Variants in NDUFS4 observed in about 807,000 individuals in gnomAD.
The protein encoded by NDUFS4 is NADH:ubiquinone oxidoreductase subunit S4.
In NDUFS4, 28 loss-of-function variants were observed where a neutral mutation model predicts 24.3. That is an observed-to-expected ratio of 1.15 (90% CI 0.85 to 1.58). The LOEUF (loss-of-function observed/expected upper bound fraction) is 1.58. Ranked by LOEUF, NDUFS4 falls within the 40% of genes most tolerant of loss-of-function variation. The pLI is 0.00. For synonymous variants in NDUFS4, 93 were observed against 69.7 expected, an observed-to-expected ratio of 1.34 and a Z score of -1.67; for missense variants, 223 against 207.9, an observed-to-expected ratio of 1.07 and a Z score of -0.45.
Position 53,574,111 on chromosome 5 carries a change from A to G in NDUFS4, c.98+13351A>G, listed in dbSNP as rs371649726. 2.6e-4 allele frequency among the ~76,000 whole-genome samples: 39 copies of G among 152,184 alleles called. No homozygotes were observed. In the South Asian group the frequency reaches 7.9e-3, roughly 31 times the overall value. The stretch of plus-strand genomic sequence containing the variant: ...TCACTAGGTCTTTTATTTCTTTTTC[A>G]TTTCCAGGAGGATGTTAAGAATGGT... On this transcript the variant is annotated intron_variant, in intron 1 of 4. Transcript: ENST00000296684.
chr5:53,627,274 G>A (rs996417602), intron 2 of NDUFS4, among the ~76,000 whole-genome samples: 6 of 152,072 alleles, frequency 3.9e-5, no homozygotes, highest in South Asian at 4.1e-4. Flanking sequence ...TGTTGTTTTG[G>A]TTACTGTACC....
intron 2 of NDUFS4, among the ~76,000 whole-genome samples, chr5:53,645,218 T>C (rs1234302809): frequency 6.6e-6 from 1 of 152,164 alleles, no homozygotes; most frequent in Admixed American, 6.6e-5. Context: ...AGCATATGGT[T>C]GACCCCAATG....
At chr5:53,584,870 T>C (rs1207236941) in intron 1 of NDUFS4, among the ~76,000 whole-genome samples, 1 of 152,016 alleles carries the variant, frequency 6.6e-6, no homozygotes. Flanking sequence ...TGGGTTCAAG[T>C]GATTCCTGTG....
At chr5:53,601,245 C>T (rs879666448) in intron 1 of NDUFS4, among the ~76,000 whole-genome samples, 2 of 151,984 alleles carry the variant, frequency 1.3e-5, no homozygotes, top group African/African-American at 4.8e-5. Context: ...CCTTGTGATC[C>T]GCCCGCCTCA....
intron 4 of NDUFS4, among the ~76,000 whole-genome samples, chr5:53,673,525 A>G (rs527778567): frequency 6.6e-6 from 1 of 152,306 alleles, no homozygotes; most frequent in Non-Finnish European, 1.5e-5. Context: ...TCACAGTAAA[A>G]CTTAAATATA....
intron 1 of NDUFS4, among the ~76,000 whole-genome samples, chr5:53,601,918 T>C (rs964121661): frequency 2.0e-5 from 3 of 152,212 alleles, no homozygotes; most frequent in Non-Finnish European, 2.9e-5. Flanking sequence ...TTATTAGTTA[T>C]TGTTAATTTA....
rs140786032 is a variant in NDUFS4 at position 53,645,061 on chromosome 5, G to A, written c.178-1172G>A. On this transcript the variant is annotated intron_variant, in intron 2 of 4. Coordinates refer to ENST00000296684, the MANE Select transcript of NDUFS4 (RefSeq NM_002495.4). The stretch of plus-strand genomic sequence containing the variant: ...AATAAACATTAGTCTTCATTAGGGT[G>A]TGTATTATAATGACATAAAAATTCA... Among the ~76,000 whole-genome samples, 381 of 152,194 alleles carry A rather than the reference G, an allele frequency of 2.5e-3. 1 individual carries two copies. Among genetic ancestry groups the A allele is most frequent in the African/African-American group, 8.0e-3 (334 of 41,564 alleles).
intron 2 of NDUFS4, among the ~76,000 whole-genome samples, chr5:53,616,269 CACA>C (rs1385394997): frequency 1.3e-5 from 2 of 151,460 alleles, no homozygotes; most frequent in South Asian, 2.1e-4. Flanking sequence ...ATGAACAAAG[CACA>C]ACAACCATGT....
intron 3 of NDUFS4, among the ~76,000 whole-genome samples, chr5:53,655,645 T>C (rs966867116): frequency 6.6e-6 from 1 of 152,176 alleles, no homozygotes; most frequent in Non-Finnish European, 1.5e-5. Flanking sequence ...ATAACAATAA[T>C]CTATTAATTA....
intron 1 of NDUFS4, among the ~76,000 whole-genome samples, chr5:53,577,674 A>G (rs1241183900): frequency 1.3e-5 from 2 of 152,092 alleles, no homozygotes; most frequent in African/African-American, 2.4e-5. Context: ...CCGTATTGGA[A>G]TTTGTTTTAC....
intron 4 of NDUFS4, among the ~76,000 whole-genome samples, chr5:53,675,379 T>G (rs256100): frequency 0.8 from 121,378 of 151,812 alleles, 48,737 homozygotes; most frequent in African/African-American, 0.87. Context: ...AGCCAGGATG[T>G]TCTCGATTTC....
intron 3 of NDUFS4, 58 bp downstream of exon 3, chr5:53,646,463 C>T (rs1369470161): frequency 1.3e-6 from 2 of 1,558,206 alleles, no homozygotes; most frequent in Non-Finnish European, 1.8e-6. Flanking sequence ...GTAGATCTTT[C>T]TTCTAAATAT....
intron 2 of NDUFS4, among the ~76,000 whole-genome samples, chr5:53,630,069 G>A (rs967435999): frequency 6.6e-6 from 1 of 152,112 alleles, no homozygotes; most frequent in Admixed American, 6.5e-5. Flanking sequence ...GTTAAGGCAG[G>A]CCTGATGGTG....
At chr5:53,606,477 AT>A (rs1561358565) in intron 2 of NDUFS4, among the ~76,000 whole-genome samples, 3 of 151,690 alleles carry the variant, frequency 2.0e-5, no homozygotes, top group African/African-American at 7.3e-5. Context: ...AGTGATTCTT[AT>A]GCCTCAGCCT....
At chr5:53,658,797 A>AAC (rs1483304804) in intron 4 of NDUFS4, 173 bp downstream of exon 4, 2 of 593,000 alleles carry the variant, frequency 3.4e-6, no homozygotes, top group East Asian at 5.7e-5. Context: ...AAAAAAAAAA[A>AAC]AAAAAAACCT....
At chr5:53,560,913 A>C (rs1477125334) in intron 1 of NDUFS4, among the ~76,000 whole-genome samples, 153 bp downstream of exon 1, 1 of 152,146 alleles carries the variant, frequency 6.6e-6, no homozygotes, top group East Asian at 1.9e-4. Context: ...ACTGTCTGCT[A>C]TCAATGGGCG....
chr5:53,579,964 G>A (rs368470412), intron 1 of NDUFS4, among the ~76,000 whole-genome samples: 151 of 152,282 alleles, frequency 9.9e-4, no homozygotes, highest in African/African-American at 3.5e-3. Flanking sequence ...CTCCAGAAGA[G>A]TCCATTCCTG....
chr5:53,629,383 T>C (rs1285126492), intron 2 of NDUFS4, among the ~76,000 whole-genome samples: 1 of 152,156 alleles, frequency 6.6e-6, no homozygotes, highest in Non-Finnish European at 1.5e-5. Context: ...GTTCTGTAGA[T>C]GTCTATTAGG....
chr5:53,583,243 A>G (rs1561341890), intron 1 of NDUFS4, among the ~76,000 whole-genome samples: 1 of 152,178 alleles, frequency 6.6e-6, no homozygotes, highest in South Asian at 2.1e-4. Context: ...ACAATGTCAG[A>G]GATTACCAAA....
Sources: allele counts gnomAD v4.1 joint callset (sites outside exome capture counted in the v4.1 genomes callset), GRCh38; gene constraint gnomAD v4.1.1; transcripts MANE v1.5; gene names NCBI Gene and HGNC (gene_info 2026-07-23, HGNC 2026-07-21).